FAM3B: variants seen among roughly 807,000 people sequenced by gnomAD.
FAM3B encodes FAM3 metabolism regulating signaling molecule B.
In FAM3B, 29 loss-of-function variants were observed where a neutral mutation model predicts 28.4. The ratio of observed to expected loss-of-function variants is 1.02; its 90% CI spans 0.76 to 1.39. The LOEUF (loss-of-function observed/expected upper bound fraction) is 1.39. Among genes scored for constraint, FAM3B ranks in the 40% most tolerant of loss-of-function variants. The pLI is 0.00. For missense variants in FAM3B, 266 were observed against 293.9 expected (o/e 0.91, Z 0.69); for synonymous variants, 91 against 103.0 (o/e 0.88, Z 0.71).
chr21:41,322,506 T>G (rs1303381703), intron 1 of FAM3B: 2 of 697,810 alleles, frequency 2.9e-6, no homozygotes, highest in African/African-American at 3.5e-5. Flanking sequence ...GCTTTACCCC[T>G]GAAGGTTTCA....
At chr21:41,344,941 G>A (rs938376952) in intron 4 of FAM3B, among the ~76,000 whole-genome samples, 3 of 152,140 alleles carry the variant, frequency 2.0e-5, no homozygotes, top group Non-Finnish European at 4.4e-5. Context: ...CTGCAACCTC[G>A]TGGGAAACAA....
Position 41,340,872 on chromosome 21 carries a change from G to T in FAM3B, c.287+2371G>T, listed in dbSNP as rs571930432. On this transcript the variant is annotated intron_variant, in intron 3 of 7. Coordinates refer to ENST00000357985, the MANE Select transcript of FAM3B (RefSeq NM_058186.4). Reference sequence around the variant, plus strand: ...TCCATTAATTTTTTAATTAGTTTTTGATTTATTCTTCCAGTATTTCTTAAT... The same window carrying T: ...TCCATTAATTTTTTAATTAGTTTTTTATTTATTCTTCCAGTATTTCTTAAT... 2.7e-4 allele frequency among the ~76,000 whole-genome samples: 41 copies of T among 151,708 alleles called. No individual in the cohort carries two copies. In the South Asian group the frequency reaches 5.0e-3, roughly 18 times the overall value.
chr21:41,347,324 A>G (rs1436112777), intron 6 of FAM3B, among the ~76,000 whole-genome samples: 1 of 152,252 alleles, frequency 6.6e-6, no homozygotes, highest in Non-Finnish European at 1.5e-5. Context: ...TCAAAGGAGT[A>G]TTTCAAGGAA....
upstream of FAM3B, among the ~76,000 whole-genome samples, chr21:41,312,499 G>A (rs138179076): frequency 5.6e-4 from 85 of 152,192 alleles, no homozygotes; most frequent in African/African-American, 1.9e-3. Flanking sequence ...TTCCTGAGTC[G>A]CACCTTGAGA....
intron 6 of FAM3B, 66 bp downstream of exon 6, chr21:41,347,166 G>A: frequency 2.2e-6 from 3 of 1,341,112 alleles, no homozygotes; most frequent in Admixed American, 1.7e-5. Flanking sequence ...GGCTGCCAGG[G>A]TCTCTCAGTG....
chr21:41,314,598 A>G (rs1601345687), upstream of FAM3B, among the ~76,000 whole-genome samples: 2 of 152,228 alleles, frequency 1.3e-5, no homozygotes, highest in Admixed American at 6.5e-5. Context: ...AATATGATGC[A>G]CAACAGTCCA....
intron 2 of FAM3B, among the ~76,000 whole-genome samples, chr21:41,337,398 C>T (rs2088964991): frequency 6.6e-6 from 1 of 152,124 alleles, no homozygotes; most frequent in Non-Finnish European, 1.5e-5. Flanking sequence ...GCATGGGAGC[C>T]TCAGGGGTGT....
At chr21:41,351,279 G>A (rs2145833253) in intron 7 of FAM3B, among the ~76,000 whole-genome samples, 1 of 152,294 alleles carries the variant, frequency 6.6e-6, no homozygotes, top group South Asian at 2.1e-4. Context: ...TCAAAGCCAG[G>A]GCTGAGTTTA....
At chr21:41,316,553 T>G (rs2088749921), upstream of FAM3B, among the ~76,000 whole-genome samples, 1 of 152,168 alleles carries the variant, frequency 6.6e-6, no homozygotes, top group Non-Finnish European at 1.5e-5. Flanking sequence ...TTTCCTCCCT[T>G]CAGAGCCAAC....
chr21:41,325,977 G>T (rs903600572), intron 2 of FAM3B, among the ~76,000 whole-genome samples: 2 of 152,184 alleles, frequency 1.3e-5, no homozygotes, highest in Non-Finnish European at 2.9e-5. Flanking sequence ...GAAACTGATA[G>T]CAGAAGGCTG....
upstream of FAM3B, among the ~76,000 whole-genome samples, chr21:41,315,871 G>A (rs1024122148): frequency 1.3e-5 from 2 of 152,160 alleles, no homozygotes; most frequent in Non-Finnish European, 2.9e-5. Flanking sequence ...TGGGAAGGCA[G>A]GGCACCTTGG....
intron 7 of FAM3B, among the ~76,000 whole-genome samples, chr21:41,353,164 G>A (rs2089136955): frequency 6.6e-6 from 1 of 151,896 alleles, no homozygotes; most frequent in South Asian, 2.1e-4. Flanking sequence ...AAGAAATTGA[G>A]GACTTAAAAA....
intron 1 of FAM3B, among the ~76,000 whole-genome samples, chr21:41,319,143 T>C (rs1208061743): frequency 6.6e-6 from 1 of 152,134 alleles, no homozygotes. Context: ...ACTCCCGGGT[T>C]CCTTAGCTTT....
At chr21:41,324,726 A>G (rs995324854) in intron 2 of FAM3B, among the ~76,000 whole-genome samples, 2 of 152,238 alleles carry the variant, frequency 1.3e-5, no homozygotes, top group African/African-American at 4.8e-5. Context: ...CTCAGAGTCT[A>G]CTAGAGAAGA....
chr21:41,337,780 T>C (rs1218150998), intron 2 of FAM3B, among the ~76,000 whole-genome samples: 1 of 151,688 alleles, frequency 6.6e-6, no homozygotes, highest in Admixed American at 6.6e-5. Flanking sequence ...GTATGTTGTA[T>C]GTTGTGTGTG....
chr21:41,306,922 G>C (rs2088685804), intron 1 of FAM3B, among the ~76,000 whole-genome samples: 5 of 152,168 alleles, frequency 3.3e-5, no homozygotes, highest in Admixed American at 2.6e-4. Flanking sequence ...CATTTGACAT[G>C]CTTCTTAAGG....
At chr21:41,318,398 G>C (rs560270065) in intron 1 of FAM3B, among the ~76,000 whole-genome samples, 3 of 152,312 alleles carry the variant, frequency 2.0e-5, no homozygotes, top group African/African-American at 7.2e-5. Context: ...TTCGCCTGCA[G>C]GGCCTGGTAG....
intron 7 of FAM3B, 129 bp downstream of exon 7, chr21:41,348,853 C>T (rs2089089001): frequency 9.8e-7 from 1 of 1,019,824 alleles, no homozygotes; most frequent in African/African-American, 1.6e-5. Context: ...TCCATGAGAT[C>T]AGCATTAGAT....
At chr21:41,308,977 C>G (rs566091828) in intron 1 of FAM3B, among the ~76,000 whole-genome samples, 2 of 152,270 alleles carry the variant, frequency 1.3e-5, no homozygotes, top group African/African-American at 4.8e-5. Flanking sequence ...ACTTTAGATT[C>G]ATCTTCACAA....
Sources: allele counts gnomAD v4.1 joint callset (sites outside exome capture counted in the v4.1 genomes callset), GRCh38; gene constraint gnomAD v4.1.1; transcripts MANE v1.5; gene names NCBI Gene and HGNC (gene_info 2026-07-23, HGNC 2026-07-21).